Variants in SH3PXD2A observed in about 807,000 individuals in gnomAD.
SH3PXD2A encodes the protein SH3 and PX domains 2A.
Under a neutral mutation model 115.2 loss-of-function variants are expected in SH3PXD2A, and 32 were observed. The ratio of observed to expected loss-of-function variants is 0.28; its 90% CI spans 0.21 to 0.37. The LOEUF (loss-of-function observed/expected upper bound fraction) is 0.37, where lower values mean the gene tolerates loss of function less well. Among genes scored for constraint, SH3PXD2A ranks in the 10% least tolerant of loss-of-function variants. The pLI, the probability that SH3PXD2A is intolerant of heterozygous loss-of-function variation, is 1.00. For missense variants in SH3PXD2A, 1,328 were observed against 1,498.7 expected (o/e 0.89, Z 1.88); for synonymous variants, 610 against 629.1 (o/e 0.97, Z 0.45).
rs1199051630 is a variant in SH3PXD2A, at chr10:103,600,883, A to C, written c.*933T>G. On this transcript the variant is annotated 3_prime_UTR_variant, in exon 15 of 15. Coordinates refer to ENST00000369774, the MANE Select transcript of SH3PXD2A (RefSeq NM_001394015.1). Reference sequence around the variant, plus strand: ...ACAAGATACAACAGAAACCCCATCCACTACCCATCCCCTTCCCATGTGAGG... The same window carrying C: ...ACAAGATACAACAGAAACCCCATCCCCTACCCATCCCCTTCCCATGTGAGG... 3.9e-5 allele frequency: 6 copies of C among 152,126 alleles called. No homozygotes were observed. In the East Asian group the frequency reaches 1.2e-3, roughly 29 times the overall value. 9.4% of individuals were successfully genotyped at this position (152,126 alleles called of 1,614,324 possible). A position where few individuals can be genotyped will look rare whatever the true frequency, so the allele number is the denominator to read the frequency against.
At chr10:103,796,775 G>A (rs556806105) in intron 2 of SH3PXD2A, among the ~76,000 whole-genome samples, 4 of 152,032 alleles carry the variant, frequency 2.6e-5, no homozygotes, top group Admixed American at 1.3e-4. Context: ...TGAAAATACA[G>A]GATGCATAAT....
chr10:103,815,666 G>A (rs531902288), intron 1 of SH3PXD2A, among the ~76,000 whole-genome samples: 48 of 151,706 alleles, frequency 3.2e-4, no homozygotes, highest in Middle Eastern at 3.4e-3. Flanking sequence ...CGAGGCAGGC[G>A]GATCACGGAG....
At chr10:103,669,946 A>ATT (rs2037435696) in intron 6 of SH3PXD2A, among the ~76,000 whole-genome samples, 2 of 152,224 alleles carry the variant, frequency 1.3e-5, no homozygotes, top group Non-Finnish European at 2.9e-5. Flanking sequence ...GATGAGTACT[A>ATT]TTATCCCCTC....
At chr10:103,643,086 A>C (rs969779830) in intron 8 of SH3PXD2A, among the ~76,000 whole-genome samples, 1 of 152,224 alleles carries the variant, frequency 6.6e-6, no homozygotes, top group Admixed American at 6.5e-5. Flanking sequence ...GGAATTTTAA[A>C]TAGAGGGCTT....
chr10:103,678,207 G>A, intron 6 of SH3PXD2A: 1 of 1,255,008 alleles, frequency 8.0e-7, no homozygotes, highest in Non-Finnish European at 1.0e-6. Flanking sequence ...GTGTTTGCTG[G>A]GAGCCCCTGA....
intron 8 of SH3PXD2A, among the ~76,000 whole-genome samples, chr10:103,659,060 A>G (rs997412750): frequency 6.6e-6 from 1 of 152,240 alleles, no homozygotes; most frequent in Non-Finnish European, 1.5e-5. Context: ...AACAGCCATC[A>G]GCAGCTCCTC....
intron 8 of SH3PXD2A, among the ~76,000 whole-genome samples, chr10:103,646,494 G>T (rs1160111777): frequency 1.3e-5 from 2 of 152,186 alleles, no homozygotes; most frequent in Non-Finnish European, 2.9e-5. Context: ...GAGTACCAGT[G>T]AGTGATACAG....
intron 5 of SH3PXD2A, among the ~76,000 whole-genome samples, chr10:103,699,747 T>C (rs750308641): frequency 6.6e-6 from 1 of 152,214 alleles, no homozygotes; most frequent in Non-Finnish European, 1.5e-5. Flanking sequence ...TGCCCCCATT[T>C]GCTCCCTGAT....
Position 103,603,193 on chromosome 10 carries a change from C to T in SH3PXD2A, c.2025G>A (p.Lys675=). Residue 675 remains lysine, a synonymous_variant, in exon 15 of 15, where the codon AAG becomes AAA. Coordinates refer to ENST00000369774, the MANE Select transcript of SH3PXD2A (RefSeq NM_001394015.1). ...SSSLLKLKAE[K]NAQAEMGKNH... ...TCTTCCCCATTTCTGCCTGGGCATT[C>T]TTCTCTGCCTTGAGCTTTAGGAGTG... The T allele has an allele frequency of 2.5e-6, 4 of 1,614,146 alleles. No individual in the cohort carries two copies. The highest frequency in any genetic ancestry group is 3.4e-6 in the Non-Finnish European group (4 of 1,180,042).
Position 103,661,058 on chromosome 10 carries a change from A to G in SH3PXD2A, c.529T>C (p.Tyr177His), listed in dbSNP as rs773325825. Residue 177 changes from tyrosine (Y) to histidine (H), a missense_variant, in exon 8 of 15, where the codon TAT (tyrosine) becomes CAT (histidine). Around this residue, in one of 5 missense-constraint regions of SH3PXD2A, gnomAD observed 90 missense variants for 71.1 expected, o/e 1.27. Coordinates refer to ENST00000369774, the MANE Select transcript of SH3PXD2A (RefSeq NM_001394015.1). ...AGCTCCGAGTTCTCCTGCTTCTTAT[A>G]GTTGGACACCACCACGTACTGTTCC... ...ILEQYVVVSN[Y>H]KKQENSELSL... is the part of the protein sequence containing the mutation. 1 of 1,614,080 alleles carries G rather than the reference A, an allele frequency of 6.2e-7. No individual in the cohort carries two copies. Among genetic ancestry groups the G allele is most frequent in the Non-Finnish European group, 8.5e-7 (1 of 1,179,964 alleles).
At chr10:103,826,020 C>T (rs1398393523) in intron 1 of SH3PXD2A, among the ~76,000 whole-genome samples, 1 of 152,140 alleles carries the variant, frequency 6.6e-6, no homozygotes, top group Non-Finnish European at 1.5e-5. Flanking sequence ...ACCTCGGCCT[C>T]CCAAAGTGCT....
intron 3 of SH3PXD2A, among the ~76,000 whole-genome samples, chr10:103,765,355 A>G (rs1039719439): frequency 2.0e-5 from 3 of 152,134 alleles, no homozygotes; most frequent in Non-Finnish European, 2.9e-5. Context: ...CTGTTCTCTG[A>G]GCTCCCTCTC....
At chr10:103,818,197 G>A (rs2039343528) in intron 1 of SH3PXD2A, among the ~76,000 whole-genome samples, 1 of 152,322 alleles carries the variant, frequency 6.6e-6, no homozygotes, top group Non-Finnish European at 1.5e-5. Flanking sequence ...ATTCCTGCAA[G>A]AGCCAATCAA....
At position 103,804,335 on chromosome 10, in the gene SH3PXD2A, TTTTTG is replaced by T. The variant is rs1250364826; in HGVS notation, c.73-2978_73-2974del. ...TCATCTTTTTTTTTTTTTTTTTTTT[TTTTTG>T]AGACGGAGTCTGTCTCTGTCGACCA... On this transcript the variant is annotated intron_variant, in intron 1 of 14. Transcript: ENST00000369774. Among the ~76,000 whole-genome samples the T allele has an allele frequency of 9.1e-3, 1,319 of 145,556 alleles. 32 individuals are homozygous for T. The highest frequency in any genetic ancestry group is 0.031 in the African/African-American group (1,200 of 38,724).
intron 2 of SH3PXD2A, among the ~76,000 whole-genome samples, chr10:103,778,609 G>A (rs938387952): frequency 9.2e-5 from 14 of 152,248 alleles, no homozygotes; most frequent in African/African-American, 2.9e-4. Flanking sequence ...CGGATGAAAT[G>A]AGAATACAGG....
intron 4 of SH3PXD2A, among the ~76,000 whole-genome samples, chr10:103,726,141 A>C (rs948007705): frequency 5.3e-5 from 8 of 152,198 alleles, no homozygotes; most frequent in African/African-American, 1.9e-4. Flanking sequence ...AGCCAGGAGA[A>C]GACAGGAAAA....
At chr10:103,642,921 C>T (rs2036975985) in intron 8 of SH3PXD2A, among the ~76,000 whole-genome samples, 1 of 152,120 alleles carries the variant, frequency 6.6e-6, no homozygotes, top group Non-Finnish European at 1.5e-5. Flanking sequence ...ACAACCATCC[C>T]CTCCCTCCCA....
At chr10:103,832,323 C>G (rs998254551) in intron 1 of SH3PXD2A, among the ~76,000 whole-genome samples, 2 of 149,830 alleles carry the variant, frequency 1.3e-5, no homozygotes, top group Non-Finnish European at 3.0e-5. Context: ...GAGATAGTCT[C>G]TACACCCTAG....
chr10:103,656,365 T>C (rs760633461), intron 8 of SH3PXD2A, among the ~76,000 whole-genome samples: 1 of 152,166 alleles, frequency 6.6e-6, no homozygotes, highest in Non-Finnish European at 1.5e-5. Context: ...AACTTCGAAT[T>C]CTGAACTCAG....
Sources: gnomAD v4.1 joint callset for allele counts (sites outside exome capture counted in the v4.1 genomes callset) on GRCh38, gnomAD v4.1.1 for gene constraint, gnomAD v4.1.1 regional missense constraint, MANE v1.5 for transcripts, NCBI Gene and HGNC (gene_info 2026-07-23, HGNC 2026-07-21) for gene names.